Variants in DLGAP5 observed in about 807,000 individuals in gnomAD.
The protein encoded by DLGAP5 is DLG associated protein 5.
In DLGAP5, 90 loss-of-function variants were observed where a neutral mutation model predicts 99.6. The ratio of observed to expected loss-of-function variants is 0.90; its 90% CI spans 0.76 to 1.08. DLGAP5 has a LOEUF of 1.08. Among genes scored for constraint, DLGAP5 ranks in the 50% least tolerant of loss-of-function variants. The pLI is 0.00. For missense variants in DLGAP5, 1,036 were observed against 983.5 expected (o/e 1.05, Z -0.71); for synonymous variants, 311 against 321.3 (o/e 0.97, Z 0.34).
intron 3 of DLGAP5, among the ~76,000 whole-genome samples, chr14:55,182,972 T>C (rs955283727): frequency 2.6e-5 from 4 of 152,216 alleles, no homozygotes; most frequent in Non-Finnish European, 4.4e-5. Context: ...GTTATTAACA[T>C]GCACCCACTT....
chr14:55,172,864 C>A lies in DLGAP5; in HGVS notation c.1302-2077G>T, dbSNP rs528021197. 2.6e-5 allele frequency among the ~76,000 whole-genome samples: 4 copies of A among 151,522 alleles called. No individual in the cohort carries two copies. The South Asian group carries it at 8.3e-4, about 32-fold the overall frequency. On this transcript the variant is annotated intron_variant, in intron 10 of 18. Transcript: ENST00000247191. ...GGGTGTGGTGGCACACGCCTGTAATCCTGGCTACTCAGGAGGCTGAGGCCT... is the reference window on the plus strand; with the variant it reads ...GGGTGTGGTGGCACACGCCTGTAATACTGGCTACTCAGGAGGCTGAGGCCT...
chr14:55,168,070 T>C (rs75381823), intron 12 of DLGAP5, among the ~76,000 whole-genome samples: 144 of 152,276 alleles, frequency 9.5e-4, no homozygotes, highest in Non-Finnish European at 1.6e-3. Flanking sequence ...TCTTATCTAA[T>C]CTCTTCTGTC....
At position 55,183,566 on chromosome 14, in the gene DLGAP5, T is replaced by C. The variant is rs777066160; in HGVS notation, c.426A>G (p.Pro142=). Residue 142 remains proline (P), a synonymous_variant, in exon 3 of 19, where the codon CCA becomes CCG. Transcript: ENST00000247191. ...ATTAAGACACTAAATTTACCTTTTTTGGCTCAGCTTTCACAGCATTCTGGT... is the reference window on the plus strand; with the variant it reads ...ATTAAGACACTAAATTTACCTTTTTCGGCTCAGCTTTCACAGCATTCTGGT... The part of the protein sequence containing the change: ...LSNQNAVKAE[P]KKAIPSSVRI... The C allele has an allele frequency of 7.1e-6, 11 of 1,550,796 alleles. No individual in the cohort carries two copies. The Admixed American group carries it at 2.0e-4, about 29-fold the overall frequency.
chr14:55,181,592 C>T (rs904332517), intron 4 of DLGAP5, among the ~76,000 whole-genome samples: 3 of 152,194 alleles, frequency 2.0e-5, no homozygotes, highest in Non-Finnish European at 4.4e-5. Flanking sequence ...CCTAGACATA[C>T]TTTCACTTCA....
At chr14:55,174,645 G>C (rs1882990982) in intron 10 of DLGAP5, among the ~76,000 whole-genome samples, 1 of 152,064 alleles carries the variant, frequency 6.6e-6, no homozygotes, top group South Asian at 2.1e-4. Flanking sequence ...AAACAGAAAA[G>C]AACCTACGTG....
intron 12 of DLGAP5, among the ~76,000 whole-genome samples, chr14:55,165,182 T>C (rs1882595402): frequency 6.6e-6 from 1 of 151,802 alleles, no homozygotes; most frequent in Non-Finnish European, 1.5e-5. Context: ...GCGAATAAGC[T>C]CACAAAAAGA....
Position 55,175,880 on chromosome 14 carries a change from A to G in DLGAP5, c.1174+14T>C. On this transcript the variant is annotated intron_variant, in intron 9 of 18. Transcript: ENST00000247191. ...ATTATTCTAAAAAATGAATAAATTA[A>G]TTAAATACTATACCTTCATGCCAAA... 2.6e-6 allele frequency: 4 copies of G among 1,544,834 alleles called. No individual in the cohort carries two copies. The South Asian group carries it at 5.3e-5, about 20-fold the overall frequency.
intron 2 of DLGAP5, among the ~76,000 whole-genome samples, chr14:55,184,052 T>G (rs968914986): frequency 2.7e-5 from 4 of 150,830 alleles, no homozygotes; most frequent in Non-Finnish European, 4.4e-5. Flanking sequence ...ATTCGGGAGG[T>G]TGAGGTAGGA....
At chr14:55,174,525 T>A (rs1244837317) in intron 10 of DLGAP5, among the ~76,000 whole-genome samples, 2 of 152,154 alleles carry the variant, frequency 1.3e-5, no homozygotes, top group Non-Finnish European at 2.9e-5. Context: ...TTGCAGCTTG[T>A]GGGGCATCAC....
intron 17 of DLGAP5, among the ~76,000 whole-genome samples, chr14:55,151,304 T>C (rs1882008741): frequency 6.6e-6 from 1 of 151,982 alleles, no homozygotes; most frequent in African/African-American, 2.4e-5. Context: ...ATAGGATATT[T>C]TGAAGAAAGA....
chr14:55,188,753 A>C (rs2139541318), intron 2 of DLGAP5, among the ~76,000 whole-genome samples, 189 bp downstream of exon 2: 1 of 150,018 alleles, frequency 6.7e-6, no homozygotes, highest in South Asian at 2.1e-4. Context: ...CCTGGGTGAC[A>C]CAGTGAGACC....
Position 55,175,389 on chromosome 14 carries a change from C to A in DLGAP5, c.1258G>T (p.Glu420Ter). 1 of 1,609,232 alleles carries A rather than the reference C, an allele frequency of 6.2e-7. No individual in the cohort carries two copies. The highest frequency in any genetic ancestry group is 8.5e-7 in the Non-Finnish European group (1 of 1,178,094). Residue 420 changes from glutamate to a stop codon, truncating the protein, a stop_gained, in exon 10 of 19, where the codon GAA becomes TAA. Transcript: ENST00000247191. LOFTEE classifies it high-confidence loss of function. ...TGGTGGGGCTGAGCAATTCGACCTT[C>A]ATTTCTTTCAAGTGATGGGACTTCT... is the stretch of plus-strand genomic sequence containing the variant. ...IKEVPSLERNEGRIAQPHHGV... is the reference protein window; with the variant it reads ...IKEVPSLERN
chr14:55,181,151 C>T, intron 5 of DLGAP5, 62 bp downstream of exon 5: 1 of 1,491,690 alleles, frequency 6.7e-7, no homozygotes, highest in Non-Finnish European at 9.2e-7. Flanking sequence ...CTTCAAGACA[C>T]TTAAAAAAAA....
Position 55,155,472 on chromosome 14 carries a change from G to A in DLGAP5, c.1874-666C>T, listed in dbSNP as rs1385278439. ...AGTGATTCTCCTGCCTCAGCCTCCC[G>A]AGTAGCTGGGATTACAGGCACCCGC... On this transcript the variant is annotated intron_variant, in intron 14 of 18. Coordinates refer to ENST00000247191, the MANE Select transcript of DLGAP5 (RefSeq NM_014750.5). Among the ~76,000 whole-genome samples the A allele has an allele frequency of 8.9e-5, 13 of 145,604 alleles. 1 individual carries two copies. Among genetic ancestry groups the A allele is most frequent in the Admixed American group, 8.3e-4 (12 of 14,456 alleles).
chr14:55,155,816 C>T (rs760510312), intron 14 of DLGAP5, among the ~76,000 whole-genome samples: 1 of 151,716 alleles, frequency 6.6e-6, no homozygotes, highest in African/African-American at 2.4e-5. Context: ...TGGCCGGGCG[C>T]GGTGGCTCAT....
rs751460024 is a variant in DLGAP5, at chr14:55,152,612, G to A, written c.2099C>T (p.Pro700Leu). The stretch of plus-strand genomic sequence containing the variant: ...TACATGATTTTCTTCAATTAAATCT[G>A]GTAATCCAGGACACTGAGCATCTTC... ...SIEDAQCPGL[P>L]DLIEENHVVN... The change falls in exon 16 of 19, where the codon CCA becomes CTA. Residue 700 changes from proline to leucine, a missense_variant. Transcript: ENST00000247191. 2 of 1,601,122 alleles carry A rather than the reference G, an allele frequency of 1.2e-6. No individual in the cohort carries two copies. Among genetic ancestry groups the A allele is most frequent in the Non-Finnish European group, 1.7e-6 (2 of 1,174,698 alleles).
At chr14:55,152,678 A>G in intron 15 of DLGAP5, 31 bp from the exon 16 acceptor site, 1 of 1,543,800 alleles carries the variant, frequency 6.5e-7, no homozygotes, top group Non-Finnish European at 8.7e-7. Flanking sequence ...CATTACACTC[A>G]TAAACATATT....
rs989399329 is a variant in DLGAP5 at position 55,175,785 on chromosome 14, G to A, written c.1174+109C>T. The stretch of plus-strand genomic sequence containing the variant: ...GTGAAAAAGAGCTCCAAACAAATCT[G>A]ACAAGTAATAATCCAGAAAAGTAAA... On this transcript the variant is annotated intron_variant, in intron 9 of 18. Transcript: ENST00000247191. 4 of 992,162 alleles carry A rather than the reference G, an allele frequency of 4.0e-6. No individual in the cohort carries two copies. In the African/African-American group the frequency reaches 6.5e-5, roughly 16 times the overall value. The allele number at this position is 992,162 out of a possible 1,614,324, so 61.5% of individuals were successfully genotyped here.
chr14:55,185,662 TGAGTA>T (rs922391283), intron 2 of DLGAP5, among the ~76,000 whole-genome samples: 3 of 152,174 alleles, frequency 2.0e-5, no homozygotes, highest in Admixed American at 6.5e-5. Flanking sequence ...TTTTGTATTT[TGAGTA>T]GAGATGGGGT....
Sources: allele counts gnomAD v4.1 joint callset (sites outside exome capture counted in the v4.1 genomes callset), GRCh38; gene constraint gnomAD v4.1.1; transcripts MANE v1.5; gene names NCBI Gene and HGNC (gene_info 2026-07-23, HGNC 2026-07-21).